CEACAM20: variants seen among roughly 807,000 people sequenced by gnomAD.
The protein encoded by CEACAM20 is CEA cell adhesion molecule 20.
A neutral mutation model predicts 61.2 loss-of-function variants in CEACAM20; 50 were observed. The observed-to-expected ratio is 0.82, with a 90% CI of 0.65 to 1.03. The LOEUF (loss-of-function observed/expected upper bound fraction) is 1.03. Ranked by LOEUF, CEACAM20 falls within the 50% of genes least tolerant of loss-of-function variation. The pLI, the probability that CEACAM20 is intolerant of heterozygous loss-of-function variation, is 0.00. For synonymous variants in CEACAM20, 282 were observed against 287.7 expected (o/e 0.98, Z 0.20); for missense variants, 683 against 736.4 (o/e 0.93, Z 0.84).
In CEACAM20 at chr19:44,529,526, C is replaced by T; in HGVS notation, c.-17G>A. 6.2e-7 allele frequency: 1 copy of T among 1,613,516 alleles called. No individual in the cohort carries two copies. Among genetic ancestry groups the T allele is most frequent in the East Asian group, 2.2e-5 (1 of 44,862 alleles). On this transcript the variant is annotated 5_prime_UTR_variant, in exon 1 of 12. Coordinates refer to ENST00000614924, the MANE Select transcript of CEACAM20 (RefSeq NM_001102597.3). ...AGGCCCCATGGGTCCCGGCACCTGA[C>T]TTCAGTGTGCCAGGCCGTCTGTCGC...
intron 6 of CEACAM20, among the ~76,000 whole-genome samples, chr19:44,514,633 A>G (rs562602119): frequency 3.0e-4 from 46 of 151,386 alleles, no homozygotes; most frequent in African/African-American, 1.0e-3. Flanking sequence ...GTGTGTGTGT[A>G]TTTTTAGTAG....
At chr19:44,521,169 T>C (rs1264930092) in intron 4 of CEACAM20, among the ~76,000 whole-genome samples, 1 of 152,056 alleles carries the variant, frequency 6.6e-6, no homozygotes, top group Non-Finnish European at 1.5e-5. Context: ...GTGTTTGTGT[T>C]GTGTGATGTG....
At chr19:44,524,686 C>A (rs528255133) in intron 2 of CEACAM20, among the ~76,000 whole-genome samples, 5 of 152,170 alleles carry the variant, frequency 3.3e-5, no homozygotes, top group Admixed American at 2.6e-4. Context: ...CTCAAGCGAT[C>A]CTCCCACCTC....
chr19:44,513,799 A>C (rs1240288733), intron 6 of CEACAM20, among the ~76,000 whole-genome samples: 1 of 152,016 alleles, frequency 6.6e-6, no homozygotes, highest in Admixed American at 6.6e-5. Context: ...TCTGCGTCCA[A>C]ATTTCAGCAG....
intron 4 of CEACAM20, among the ~76,000 whole-genome samples, chr19:44,521,774 C>T (rs984821881): frequency 2.0e-5 from 3 of 152,010 alleles, no homozygotes; most frequent in Admixed American, 6.6e-5. Flanking sequence ...TGGTATTGCA[C>T]AGTTGTGTAC....
At chr19:44,511,462 A>G (rs1001251145) in intron 10 of CEACAM20, among the ~76,000 whole-genome samples, 175 bp downstream of exon 10, 2 of 152,202 alleles carry the variant, frequency 1.3e-5, no homozygotes, top group African/African-American at 4.8e-5. Flanking sequence ...ATCCAGGGTC[A>G]TGGCATCTGA....
In CEACAM20 at chr19:44,513,427, G is replaced by T; in HGVS notation, c.1310-138C>A. The T allele has an allele frequency of 1.0e-5, 5 of 490,312 alleles. No individual in the cohort carries two copies. In the East Asian group the frequency reaches 1.5e-4, roughly 14 times the overall value. The allele number at this position is 490,312 out of a possible 1,614,324, so 30.4% of individuals were successfully genotyped here. ...TCCAGTCGTTGGGAGGTATCAGATT[G>T]TGGTTTTTGGTTTTGCTTTTTTTTT... On this transcript the variant is annotated intron_variant, in intron 6 of 11. Coordinates refer to ENST00000614924, the MANE Select transcript of CEACAM20 (RefSeq NM_001102597.3).
intron 1 of CEACAM20, among the ~76,000 whole-genome samples, chr19:44,529,142 T>A (rs2123651742): frequency 6.6e-6 from 1 of 151,884 alleles, no homozygotes; most frequent in African/African-American, 2.4e-5. Context: ...TTTTTGTATT[T>A]TTAGTAGAGA....
intron 7 of CEACAM20, 37 bp downstream of exon 7, chr19:44,513,135 C>CCCCATA (rs768214430): frequency 2.0e-6 from 3 of 1,520,246 alleles, no homozygotes; most frequent in Non-Finnish European, 2.7e-6. Flanking sequence ...CTGGCCACAT[C>CCCCATA]CCCATCCCCA....
chr19:44,511,209 T>G (rs576879539), intron 10 of CEACAM20, 54 bp from the exon 11 acceptor site: 97 of 1,602,678 alleles, frequency 6.1e-5, no homozygotes, highest in Non-Finnish European at 8.1e-5. Flanking sequence ...TTGCCAGGAA[T>G]GTACCAACTT....
At chr19:44,528,719 C>T (rs549571130) in intron 1 of CEACAM20, among the ~76,000 whole-genome samples, 1 of 151,984 alleles carries the variant, frequency 6.6e-6, no homozygotes, top group African/African-American at 2.4e-5. Flanking sequence ...TCTCTTGTCT[C>T]TGGTCTCTGT....
At chr19:44,528,678 A>C (rs1487628806) in intron 1 of CEACAM20, among the ~76,000 whole-genome samples, 1 of 151,366 alleles carries the variant, frequency 6.6e-6, no homozygotes, top group Non-Finnish European at 1.5e-5. Flanking sequence ...CTCTGTGTAC[A>C]CAGACACACA....
chr19:44,513,501 T>TCCA (rs1971071534), intron 6 of CEACAM20, among the ~76,000 whole-genome samples: 1 of 139,154 alleles, frequency 7.2e-6, no homozygotes, highest in South Asian at 2.3e-4. Flanking sequence ...TGGAGTGGAG[T>TCCA]GGCGTGACCT....
rs1283798846 is a variant in CEACAM20 at position 44,524,047 on chromosome 19, T to C, written c.411A>G (p.Gln137=). The C allele has an allele frequency of 6.4e-6, 10 of 1,563,544 alleles. No homozygotes were observed. Among genetic ancestry groups the C allele is most frequent in the East Asian group, 2.3e-5 (1 of 42,690 alleles). The change falls in exon 3 of 12, where the codon CAA becomes CAG. Residue 137 remains glutamine (Q), a synonymous_variant. Transcript: ENST00000614924. ...TCAGAAGGGCATCTCGAGCTTCACA[T>C]TGGTAAGTCCCTGAGTCCTCCCGCT... The part of the protein sequence containing the change: ...IVQREDSGTY[Q]CEARDALLSQ...
intron 8 of CEACAM20, 67 bp downstream of exon 8, chr19:44,512,801 C>G: frequency 7.4e-7 from 1 of 1,358,020 alleles, no homozygotes; most frequent in Non-Finnish European, 1.0e-6. Context: ...GCTGGGAGCC[C>G]CCAGCACCAG....
intron 5 of CEACAM20, 139 bp from the exon 6 acceptor site, chr19:44,517,363 G>C (rs1971195879): frequency 6.3e-6 from 7 of 1,110,994 alleles, no homozygotes; most frequent in South Asian, 4.5e-5. Context: ...CTGACAAGCA[G>C]AGTGTGGTCC....
chr19:44,512,543 C>T (rs1599667064), intron 8 of CEACAM20, among the ~76,000 whole-genome samples: 1 of 152,190 alleles, frequency 6.6e-6, no homozygotes, highest in East Asian at 1.9e-4. Flanking sequence ...TGTTATGAGG[C>T]TGGATTTGGA....
chr19:44,520,408 A>G, intron 5 of CEACAM20, 66 bp downstream of exon 5: 1 of 1,557,402 alleles, frequency 6.4e-7, no homozygotes, highest in Non-Finnish European at 8.7e-7. Flanking sequence ...AATGACTAGA[A>G]GGAAGAACTT....
chr19:44,513,382 C>T, intron 6 of CEACAM20, 93 bp from the exon 7 acceptor site: 1 of 748,474 alleles, frequency 1.3e-6, no homozygotes, highest in Non-Finnish European at 2.2e-6. Flanking sequence ...TCTCTACTGA[C>T]ATTTTGTGAG....
Sources: gnomAD v4.1 joint callset for allele counts (sites outside exome capture counted in the v4.1 genomes callset) on GRCh38, gnomAD v4.1.1 for gene constraint, MANE v1.5 for transcripts, NCBI Gene and HGNC (gene_info 2026-07-23, HGNC 2026-07-21) for gene names.